Variants in SLC24A2 observed in about 807,000 individuals in gnomAD.
SLC24A2 encodes sodium/potassium/calcium exchanger 2.
Under a neutral mutation model 62.0 loss-of-function variants are expected in SLC24A2, and 36 were observed. That is an observed-to-expected ratio of 0.58 (90% CI 0.44 to 0.77). The LOEUF is 0.77. SLC24A2 is among the 30% of genes least tolerant of loss of function. The pLI is 0.00. For missense variants in SLC24A2, 846 were observed against 817.9 expected (o/e 1.03, Z -0.42); for synonymous variants, 358 against 294.0 (o/e 1.22, Z -2.23).
At chr9:19,975,462 G>A in the SLC24A2 span, among the ~76,000 whole-genome samples, 2 of 152,148 alleles carry the variant, frequency 1.3e-5, no homozygotes, top group Non-Finnish European at 2.9e-5. Context: ...GAATCAGATG[G>A]ACCTGTGTCT....
the SLC24A2 span, among the ~76,000 whole-genome samples, chr9:19,854,302 T>C: frequency 6.6e-6 from 1 of 152,194 alleles, no homozygotes. Flanking sequence ...CTCTATCTCC[T>C]TCAGTTCTTC....
chr9:19,693,122 A>T (rs576333791), intron 2 of SLC24A2, among the ~76,000 whole-genome samples: 1 of 152,106 alleles, frequency 6.6e-6, no homozygotes, highest in South Asian at 2.1e-4. Flanking sequence ...ATTATTCTTT[A>T]AGTTCCAGGG....
intron 5 of SLC24A2, among the ~76,000 whole-genome samples, chr9:19,594,303 C>T (rs1358081524): frequency 6.6e-6 from 1 of 152,140 alleles, no homozygotes; most frequent in Non-Finnish European, 1.5e-5. Flanking sequence ...ACTCTTATTT[C>T]CCCAAAGCAC....
the SLC24A2 span, among the ~76,000 whole-genome samples, chr9:20,080,645 A>G: frequency 6.6e-6 from 1 of 152,260 alleles, no homozygotes; most frequent in Non-Finnish European, 1.5e-5. Flanking sequence ...ATTAAACAAA[A>G]GAGCTTCTGC....
chr9:20,028,340 G>C, the SLC24A2 span, among the ~76,000 whole-genome samples: 1 of 152,180 alleles, frequency 6.6e-6, no homozygotes, highest in Non-Finnish European at 1.5e-5. Flanking sequence ...TGATGGTTCA[G>C]CCAGCACTCT....
chr9:19,545,338 T>C (rs1036280687), intron 8 of SLC24A2, among the ~76,000 whole-genome samples: 4 of 152,142 alleles, frequency 2.6e-5, no homozygotes, highest in East Asian at 1.9e-4. Flanking sequence ...TAACCTTTTT[T>C]CAAGGTTCTT....
chr9:19,928,284 A>C, the SLC24A2 span: 1 of 152,296 alleles, frequency 6.6e-6, no homozygotes, highest in East Asian at 1.9e-4. Context: ...CTTATCTTTT[A>C]AAAGGGAATT....
At chr9:20,049,458 G>C in the SLC24A2 span, among the ~76,000 whole-genome samples, 29,235 of 151,858 alleles carry the variant, frequency 0.19, 3,084 homozygotes, top group African/African-American at 0.29. Context: ...TTTGGATGTG[G>C]ATAGGAAGCC....
the SLC24A2 span, among the ~76,000 whole-genome samples, chr9:19,849,462 G>A: frequency 6.6e-6 from 1 of 151,814 alleles, no homozygotes; most frequent in Non-Finnish European, 1.5e-5. Flanking sequence ...TAGAAGATAG[G>A]GCCTATGTTT....
the SLC24A2 span, among the ~76,000 whole-genome samples, chr9:20,186,246 G>A: frequency 2.6e-5 from 4 of 152,096 alleles, no homozygotes; most frequent in African/African-American, 9.7e-5. Context: ...TCTACCTAGT[G>A]CCATATTCAA....
chr9:19,717,238 G>C (rs988728167), intron 2 of SLC24A2, among the ~76,000 whole-genome samples: 1 of 152,164 alleles, frequency 6.6e-6, no homozygotes, highest in Admixed American at 6.5e-5. Context: ...ATGCAAACTT[G>C]AGCATATTGT....
chr9:19,951,526 A>C, the SLC24A2 span, among the ~76,000 whole-genome samples: 41 of 149,392 alleles, frequency 2.7e-4, no homozygotes, highest in African/African-American at 9.9e-4. Flanking sequence ...TTTTGAATTA[A>C]TTTTTGTGTA....
the SLC24A2 span, among the ~76,000 whole-genome samples, chr9:19,806,927 G>T: frequency 6.6e-6 from 1 of 152,264 alleles, no homozygotes; most frequent in Non-Finnish European, 1.5e-5. Context: ...CTCCGTACTA[G>T]ACAAACTGAG....
chr9:19,839,767 G>A, the SLC24A2 span, among the ~76,000 whole-genome samples: 19 of 152,230 alleles, frequency 1.2e-4, no homozygotes, highest in African/African-American at 4.3e-4. Context: ...ATAATTTTTA[G>A]GTCAATGACA....
the SLC24A2 span, among the ~76,000 whole-genome samples, chr9:20,142,577 TTTTTTAA>T: frequency 6.6e-6 from 1 of 152,198 alleles, no homozygotes; most frequent in East Asian, 1.9e-4. Context: ...TCTCCATGTC[TTTTTTAA>T]TTTTTATTTT....
the SLC24A2 span, among the ~76,000 whole-genome samples, chr9:19,817,034 A>G: frequency 1.8e-4 from 27 of 152,268 alleles, no homozygotes; most frequent in Admixed American, 1.3e-4. Flanking sequence ...AATGAATGCA[A>G]TTGTTTGAAG....
At chr9:19,718,558 G>T (rs1006410466) in intron 2 of SLC24A2, among the ~76,000 whole-genome samples, 4 of 147,918 alleles carry the variant, frequency 2.7e-5, no homozygotes, top group African/African-American at 5.0e-5. Flanking sequence ...CAATTGGCCC[G>T]CCTTGGCCTC....
chr9:19,780,727 G>A (rs1226882696), intron 2 of SLC24A2, among the ~76,000 whole-genome samples: 1 of 151,688 alleles, frequency 6.6e-6, no homozygotes, highest in Non-Finnish European at 1.5e-5. Context: ...CAAAAAATTA[G>A]CCGGGCGCGG....
intron 2 of SLC24A2, among the ~76,000 whole-genome samples, chr9:19,666,627 G>C (rs1819261299): frequency 6.6e-6 from 1 of 152,134 alleles, no homozygotes; most frequent in Non-Finnish European, 1.5e-5. Context: ...AGTGTAGAGA[G>C]TATATATTTC....
Sources: allele counts gnomAD v4.1 joint callset (sites outside exome capture counted in the v4.1 genomes callset), GRCh38; gene constraint gnomAD v4.1.1; transcripts MANE v1.5; gene names NCBI Gene and HGNC (gene_info 2026-07-23, HGNC 2026-07-21).